LRMDA: variants seen among roughly 807,000 people sequenced by gnomAD.
LRMDA encodes leucine-rich melanocyte differentiation-associated protein.
Under a neutral mutation model 29.8 loss-of-function variants are expected in LRMDA, and 18 were observed. That is an observed-to-expected ratio of 0.60 (90% CI 0.42 to 0.90). LRMDA has a LOEUF of 0.90. LRMDA is among the 40% of genes least tolerant of loss of function. LRMDA has a pLI of 0.00. For missense variants in LRMDA, 273 were observed against 273.9 expected (o/e 1.00, Z 0.02); for synonymous variants, 125 against 109.4 (o/e 1.14, Z -0.89).
chr10:76,251,125 A>G (rs1269230740), intron 5 of LRMDA, among the ~76,000 whole-genome samples: 1 of 152,138 alleles, frequency 6.6e-6, no homozygotes, highest in African/African-American at 2.4e-5. Context: ...ATCCTAGAAA[A>G]TAACGCATTG....
intron 6 of LRMDA, among the ~76,000 whole-genome samples, chr10:76,378,850 TTTTTTTTC>T: frequency 1.7e-5 from 1 of 60,604 alleles, no homozygotes; most frequent in South Asian, 4.0e-4. Context: ...CTCTTTTTCT[TTTTTTTTC>T]TTTTTTTTTT....
chr10:76,540,213 C>T (rs1843338749), intron 6 of LRMDA, among the ~76,000 whole-genome samples: 1 of 150,506 alleles, frequency 6.6e-6, no homozygotes, highest in Non-Finnish European at 1.5e-5. Context: ...TGCACATGTG[C>T]ACACATTGAG....
intron 5 of LRMDA, among the ~76,000 whole-genome samples, chr10:76,288,064 T>C (rs562449884): frequency 1.2e-4 from 19 of 152,316 alleles, no homozygotes; most frequent in Admixed American, 2.0e-4. Context: ...TTATTAGTGA[T>C]TCATGAACTA....
intron 2 of LRMDA, among the ~76,000 whole-genome samples, chr10:75,605,433 G>A (rs931680224): frequency 1.3e-5 from 2 of 152,088 alleles, no homozygotes; most frequent in African/African-American, 4.8e-5. Flanking sequence ...GCAGAGAATC[G>A]CACCTAGAAA....
chr10:76,432,914 A>G (rs976051865), intron 6 of LRMDA, among the ~76,000 whole-genome samples: 1 of 152,160 alleles, frequency 6.6e-6, no homozygotes, highest in Non-Finnish European at 1.5e-5. Flanking sequence ...TGTGGTGGCC[A>G]TGTGTGCCAC....
intron 2 of LRMDA, among the ~76,000 whole-genome samples, chr10:75,951,694 G>A (rs2132420470): frequency 6.6e-6 from 1 of 152,178 alleles, no homozygotes; most frequent in South Asian, 2.1e-4. Flanking sequence ...TTTTTCCACG[G>A]TGAAGAACTG....
At chr10:76,106,730 C>A (rs1012854567) in intron 5 of LRMDA, among the ~76,000 whole-genome samples, 2 of 152,186 alleles carry the variant, frequency 1.3e-5, no homozygotes, top group African/African-American at 2.4e-5. Flanking sequence ...CTGTGTAGTG[C>A]GTCTTCCAAA....
At chr10:75,854,407 C>T (rs1844786574) in intron 2 of LRMDA, among the ~76,000 whole-genome samples, 1 of 152,010 alleles carries the variant, frequency 6.6e-6, no homozygotes, top group Admixed American at 6.6e-5. Context: ...ATTGGCCACC[C>T]CCCATGCCTT....
intron 5 of LRMDA, among the ~76,000 whole-genome samples, chr10:76,209,637 T>G (rs1200679102): frequency 6.6e-6 from 1 of 152,218 alleles, no homozygotes; most frequent in African/African-American, 2.4e-5. Context: ...ATTTGATCTC[T>G]TCTAAAGTGT....
intron 6 of LRMDA, among the ~76,000 whole-genome samples, chr10:76,461,502 C>G (rs1473806353): frequency 6.6e-6 from 1 of 152,198 alleles, no homozygotes; most frequent in African/African-American, 2.4e-5. Flanking sequence ...TAGCATTGTA[C>G]TTACTGGTTC....
chr10:76,196,592 A>G (rs1402453217), intron 5 of LRMDA, among the ~76,000 whole-genome samples: 3 of 152,228 alleles, frequency 2.0e-5, no homozygotes, highest in Admixed American at 2.0e-4. Context: ...TAGTTATTAT[A>G]GAACAGGACA....
intron 2 of LRMDA, among the ~76,000 whole-genome samples, chr10:75,493,308 G>A (rs1845007719): frequency 6.6e-6 from 1 of 150,760 alleles, no homozygotes; most frequent in Non-Finnish European, 1.5e-5. Flanking sequence ...TTGGCTCTTT[G>A]GGATCTCCGT....
chr10:75,490,813 ACT>A (rs1425156786), intron 2 of LRMDA, among the ~76,000 whole-genome samples: 1 of 152,198 alleles, frequency 6.6e-6, no homozygotes, highest in Non-Finnish European at 1.5e-5. Context: ...TATGGGTATC[ACT>A]AATACGCCTC....
At chr10:76,121,983 G>A (rs1357798103) in intron 5 of LRMDA, among the ~76,000 whole-genome samples, 20 of 152,066 alleles carry the variant, frequency 1.3e-4, no homozygotes, top group Admixed American at 1.2e-3. Flanking sequence ...TGCATTTTGG[G>A]GTGGAAGTGG....
At chr10:76,256,646 A>G (rs112815528) in intron 5 of LRMDA, among the ~76,000 whole-genome samples, 5,332 of 152,328 alleles carry the variant, frequency 0.035, 92 homozygotes, top group Middle Eastern at 0.071. Context: ...CATCTCTGGA[A>G]AAAAGCTGTC....
Position 75,594,581 on chromosome 10 carries a change from C to G in LRMDA, c.131+156087C>G, listed in dbSNP as rs563643092. On this transcript the variant is annotated intron_variant, in intron 2 of 6. Coordinates refer to ENST00000611255, the MANE Select transcript of LRMDA (RefSeq NM_001305581.2). ...TGTCCTGTATTTTCTTCTGAGCAAA[C>G]TCTCAATGGGCCAGTGTAGCTGTAA... Among the ~76,000 whole-genome samples, 9 of 152,292 alleles carry G rather than the reference C, an allele frequency of 5.9e-5. No individual in the cohort carries two copies. The South Asian group carries it at 1.5e-3, about 25-fold the overall frequency.
At chr10:75,581,549 A>T (rs1284636475) in intron 2 of LRMDA, among the ~76,000 whole-genome samples, 1 of 149,862 alleles carries the variant, frequency 6.7e-6, no homozygotes, top group Non-Finnish European at 1.5e-5. Context: ...CATTTGACCC[A>T]GTAATCCCAT....
chr10:76,534,154 T>C (rs141068063), intron 6 of LRMDA, among the ~76,000 whole-genome samples: 5 of 152,342 alleles, frequency 3.3e-5, no homozygotes, highest in Admixed American at 1.3e-4. Flanking sequence ...CTTTAACATA[T>C]TACATTATTA....
chr10:75,544,892 T>C (rs1016794828), intron 2 of LRMDA, among the ~76,000 whole-genome samples: 6 of 152,248 alleles, frequency 3.9e-5, no homozygotes, highest in African/African-American at 1.4e-4. Flanking sequence ...GTCAGATGTT[T>C]TAAAGTAGGG....
Sources: gnomAD v4.1 joint callset for allele counts (sites outside exome capture counted in the v4.1 genomes callset) on GRCh38, gnomAD v4.1.1 for gene constraint, MANE v1.5 for transcripts, NCBI Gene and HGNC (gene_info 2026-07-23, HGNC 2026-07-21) for gene names.